The following PAPPA variants were observed in gnomAD, a reference collection of about 807,000 sequenced individuals.
PAPPA encodes the protein pappalysin 1, also known as pappalysin-1.
A neutral mutation model predicts 164.0 loss-of-function variants in PAPPA; 60 were observed. That is an observed-to-expected ratio of 0.37 (90% CI 0.30 to 0.45). PAPPA has a LOEUF of 0.45. Among genes scored for constraint, PAPPA ranks in the 20% least tolerant of loss-of-function variants. The pLI, the probability that PAPPA is intolerant of heterozygous loss-of-function variation, is 1.00. For synonymous variants in PAPPA, 875 were observed against 814.1 expected, an observed-to-expected ratio of 1.07 and a Z score of -1.27; for missense variants, 1,782 against 2,087.3, an observed-to-expected ratio of 0.85 and a Z score of 2.85.
In PAPPA at chr9:116,314,093, G is replaced by A. The variant is rs139152402; in HGVS notation, c.3147+11143G>A. On this transcript the variant is annotated intron_variant, in intron 10 of 21. Coordinates refer to ENST00000328252, the MANE Select transcript of PAPPA (RefSeq NM_002581.5). ...TTTTTTTTTTTTTTTTTTTTTTTGA[G>A]ATGGAGTCTCACTCTTTCGCCAGGC... Among the ~76,000 whole-genome samples, 10 of 70,672 alleles carry A rather than the reference G, an allele frequency of 1.4e-4. 1 individual carries two copies. Among genetic ancestry groups the A allele is most frequent in the Non-Finnish European group, 2.6e-4 (10 of 38,050 alleles). The allele number at this position is 70,672 out of a possible 152,430, so 46.4% of individuals were successfully genotyped here.
At chr9:116,287,627 A>G (rs10817869) in intron 9 of PAPPA, 77,294 of 152,100 alleles carry the variant, frequency 0.51, 20,495 homozygotes, top group Non-Finnish European at 0.58. Flanking sequence ...AGTATCTTCT[A>G]GGGCAACCAC....
At chr9:116,229,723 T>A (rs932010484) in intron 6 of PAPPA, among the ~76,000 whole-genome samples, 1 of 152,140 alleles carries the variant, frequency 6.6e-6, no homozygotes, top group Non-Finnish European at 1.5e-5. Flanking sequence ...GACTGCTGTG[T>A]GAAGAAGAGA....
At chr9:116,301,663 C>T (rs1056376922) in intron 9 of PAPPA, among the ~76,000 whole-genome samples, 1 of 152,192 alleles carries the variant, frequency 6.6e-6, no homozygotes, top group African/African-American at 2.4e-5. Context: ...ATCATTGCAG[C>T]CGGCTGCAGC....
intron 10 of PAPPA, among the ~76,000 whole-genome samples, chr9:116,325,685 T>C (rs1221117755): frequency 6.6e-6 from 1 of 152,102 alleles, no homozygotes; most frequent in African/African-American, 2.4e-5. Context: ...CAGGGCTGGG[T>C]ATCTTGGAGA....
chr9:116,261,056 A>G (rs1844995010), intron 7 of PAPPA, among the ~76,000 whole-genome samples: 1 of 152,218 alleles, frequency 6.6e-6, no homozygotes, highest in Non-Finnish European at 1.5e-5. Flanking sequence ...TATTGTGACT[A>G]TCGGCAAGTA....
chr9:116,365,142 C>T (rs919325036), intron 18 of PAPPA, among the ~76,000 whole-genome samples: 37 of 152,178 alleles, frequency 2.4e-4, no homozygotes, highest in African/African-American at 8.9e-4. Context: ...ATCCACTTTG[C>T]CAAGGAGAGG....
intron 21 of PAPPA, among the ~76,000 whole-genome samples, chr9:116,390,499 A>C (rs1315023789): frequency 6.6e-6 from 1 of 152,150 alleles, no homozygotes; most frequent in Non-Finnish European, 1.5e-5. Flanking sequence ...TCCAGAGGCC[A>C]GTGGGGGGTA....
chr9:116,290,763 G>A (rs149800664), intron 9 of PAPPA, among the ~76,000 whole-genome samples: 276 of 150,686 alleles, frequency 1.8e-3, no homozygotes, highest in Non-Finnish European at 2.8e-3. Context: ...TTTGTAGTTT[G>A]CCATCTTTTA....
intron 10 of PAPPA, among the ~76,000 whole-genome samples, chr9:116,312,761 C>T (rs1465347592): frequency 6.6e-6 from 1 of 152,084 alleles, no homozygotes; most frequent in East Asian, 1.9e-4. Flanking sequence ...TAGAATGAGA[C>T]CAGAAAGGGC....
intron 21 of PAPPA, 117 bp downstream of exon 21, chr9:116,382,610 C>T (rs1262980765): frequency 7.4e-6 from 5 of 677,940 alleles, no homozygotes; most frequent in Non-Finnish European, 1.3e-5. Flanking sequence ...GCACTGTCCA[C>T]ACGCTTTATT....
At chr9:116,207,720 G>A (rs1844254470) in intron 3 of PAPPA, 119 bp downstream of exon 3, 7 of 691,780 alleles carry the variant, frequency 1.0e-5, no homozygotes, top group Non-Finnish European at 1.5e-5. Context: ...GTGAACAACC[G>A]ATTTATTTAT....
intron 12 of PAPPA, among the ~76,000 whole-genome samples, chr9:116,333,184 C>A (rs574810992): frequency 2.6e-5 from 4 of 152,220 alleles, no homozygotes; most frequent in Middle Eastern, 6.8e-3. Flanking sequence ...GGATCCTGTC[C>A]CCACCACTCA....
At position 116,154,314 on chromosome 9, in the gene PAPPA, G is replaced by A. The variant is rs397077; in HGVS notation, c.142G>A (p.Ala48Thr). 8 of 896,044 alleles carry A rather than the reference G, an allele frequency of 8.9e-6. No individual in the cohort carries two copies. Among genetic ancestry groups the A allele is most frequent in the South Asian group, 5.0e-5 (1 of 19,914 alleles). The allele number at this position is 896,044 out of a possible 1,614,324, so 55.5% of individuals were successfully genotyped here. ...PRPAAGPATC[A>T]TRAARGRRAS... ...CCCCGCCGCCGGCCCGGCCACCTGCGCCACCCGGGCGGCCCGCGGCCGCCG... is the reference window on the plus strand; with the variant it reads ...CCCCGCCGCCGGCCCGGCCACCTGCACCACCCGGGCGGCCCGCGGCCGCCG... Residue 48 changes from alanine (A) to threonine (T), a missense_variant, in exon 1 of 22, where the codon GCC (alanine) becomes ACC (threonine). Physicochemically the swap from Ala to Thr is moderately conservative, Grantham distance 58. This residue lies in a region of PAPPA where 458 missense variants were observed against 430.3 expected (regional missense o/e 1.06). Transcript: ENST00000328252. The surrounding 1 kb of genome is among the most constrained non-coding windows in gnomAD (Gnocchi z 5.2).
intron 9 of PAPPA, among the ~76,000 whole-genome samples, chr9:116,295,486 A>G (rs1016003729): frequency 4.0e-5 from 6 of 149,774 alleles, no homozygotes; most frequent in African/African-American, 1.5e-4. Flanking sequence ...CCCAAGAGGA[A>G]GAGGTTGCAG....
chr9:116,288,083 G>T (rs1327463621), intron 9 of PAPPA, among the ~76,000 whole-genome samples: 1 of 152,136 alleles, frequency 6.6e-6, no homozygotes, highest in East Asian at 1.9e-4. Context: ...TTAAGATTTA[G>T]GACCAGGCCA....
intron 19 of PAPPA, among the ~76,000 whole-genome samples, chr9:116,369,134 C>T (rs570489162): frequency 6.6e-6 from 1 of 152,142 alleles, no homozygotes; most frequent in South Asian, 2.1e-4. Flanking sequence ...CTCTCCTTTC[C>T]ATCATCCACT....
At chr9:116,287,686 TC>T (rs1845357363) in intron 9 of PAPPA, 1 of 152,214 alleles carries the variant, frequency 6.6e-6, no homozygotes, top group Non-Finnish European at 1.5e-5. Flanking sequence ...TTCCATTGTG[TC>T]CTCCCTGAGC....
chr9:116,235,916 A>C (rs902213149), intron 7 of PAPPA, among the ~76,000 whole-genome samples: 3 of 152,218 alleles, frequency 2.0e-5, no homozygotes, highest in African/African-American at 4.8e-5. Flanking sequence ...TTCCAATAGT[A>C]AATGAAGGAG....
intron 10 of PAPPA, among the ~76,000 whole-genome samples, chr9:116,305,466 C>T (rs1218691670): frequency 1.5e-5 from 1 of 67,762 alleles, no homozygotes; most frequent in East Asian, 5.2e-4. Context: ...TTCTCTCTCT[C>T]TCTCTCACAC....
Sources: gnomAD v4.1 joint callset for allele counts (sites outside exome capture counted in the v4.1 genomes callset) on GRCh38, gnomAD v4.1.1 for gene constraint, gnomAD v4.1.1 regional missense constraint, Gnocchi (gnomAD v3.1) non-coding constraint, MANE v1.5 for transcripts, NCBI Gene and HGNC (gene_info 2026-07-23, HGNC 2026-07-21) for gene names.